Variants in ANO10 observed in about 807,000 individuals in gnomAD.
ANO10 encodes anoctamin 10.
In ANO10, 77 loss-of-function variants were observed where a neutral mutation model predicts 74.7. The ratio of observed to expected loss-of-function variants is 1.03; its 90% CI spans 0.86 to 1.25. The LOEUF (loss-of-function observed/expected upper bound fraction) is 1.25. Ranked by LOEUF, ANO10 falls within the 50% of genes most tolerant of loss-of-function variation. The probability of loss-of-function intolerance (pLI) is 0.00; values close to 1 mark genes in which losing one functional copy is unlikely to be tolerated. For synonymous variants in ANO10, 279 were observed against 284.9 expected, an observed-to-expected ratio of 0.98 and a Z score of 0.21; for missense variants, 721 against 778.1, an observed-to-expected ratio of 0.93 and a Z score of 0.87.
intron 12 of ANO10, among the ~76,000 whole-genome samples, chr3:43,431,090 T>G (rs886293234): frequency 1.2e-4 from 18 of 151,030 alleles, no homozygotes; most frequent in Non-Finnish European, 2.4e-4. Flanking sequence ...TTTTTTTTTT[T>G]GAGACAAGGT....
intron 11 of ANO10, among the ~76,000 whole-genome samples, chr3:43,514,189 G>A (rs2077620568): frequency 2.6e-5 from 4 of 151,870 alleles, no homozygotes. Flanking sequence ...AATTAAAAAG[G>A]TTGAGCTTGT....
At chr3:43,388,393 C>A (rs779711363) in intron 12 of ANO10, among the ~76,000 whole-genome samples, 6 of 152,094 alleles carry the variant, frequency 3.9e-5, no homozygotes, top group Admixed American at 3.9e-4. Context: ...CTATGAAGAG[C>A]GGCGCTCCCA....
chr3:43,687,421 C>G (rs1049759293), intron 1 of ANO10, among the ~76,000 whole-genome samples: 13 of 152,298 alleles, frequency 8.5e-5, no homozygotes, highest in Non-Finnish European at 1.8e-4. Flanking sequence ...TTGCTCAGCA[C>G]TTTGCCTGGG....
intron 8 of ANO10, among the ~76,000 whole-genome samples, chr3:43,562,142 G>A (rs553977824): frequency 5.4e-4 from 82 of 152,096 alleles, no homozygotes; most frequent in Non-Finnish European, 7.9e-4. Context: ...AGGCCAAGGC[G>A]GGCAGATCAC....
At chr3:43,651,396 G>T (rs1233377228) in intron 1 of ANO10, among the ~76,000 whole-genome samples, 1 of 152,182 alleles carries the variant, frequency 6.6e-6, no homozygotes, top group East Asian at 1.9e-4. Flanking sequence ...AACAGCTGCT[G>T]TGTTTAATTG....
intron 2 of ANO10, among the ~76,000 whole-genome samples, chr3:43,601,458 A>G (rs543124320): frequency 6.6e-6 from 1 of 152,324 alleles, no homozygotes; most frequent in Admixed American, 6.5e-5. Flanking sequence ...TGGCCTCCCA[A>G]GTGCTGGGAT....
At position 43,593,154 on chromosome 3, in the gene ANO10, G is replaced by A. The variant is rs138437680; in HGVS notation, c.472+5378C>T. Among the ~76,000 whole-genome samples, 53 of 152,294 alleles carry A rather than the reference G, an allele frequency of 3.5e-4. No homozygotes were observed. In the East Asian group the frequency reaches 7.3e-3, roughly 21 times the overall value. On this transcript the variant is annotated intron_variant, in intron 4 of 12. Coordinates refer to ENST00000292246, the MANE Select transcript of ANO10 (RefSeq NM_018075.5). ...TCTGATTGCTGTACCTGAAAGTGAC[G>A]GAGAGAATGGAAACAAGTTGGAAAC... is the stretch of plus-strand genomic sequence containing the variant.
chr3:43,688,140 A>G (rs2084298110), intron 1 of ANO10, among the ~76,000 whole-genome samples: 1 of 152,060 alleles, frequency 6.6e-6, no homozygotes, highest in Non-Finnish European at 1.5e-5. Context: ...TATTGGATCA[A>G]TGGTCTCTTT....
At chr3:43,397,784 C>T (rs548170346) in intron 12 of ANO10, among the ~76,000 whole-genome samples, 12 of 152,174 alleles carry the variant, frequency 7.9e-5, no homozygotes, top group Non-Finnish European at 1.8e-4. Flanking sequence ...CTGTGGCCTC[C>T]CCAGACTCTG....
intron 12 of ANO10, among the ~76,000 whole-genome samples, chr3:43,402,416 T>A (rs1488497485): frequency 6.6e-6 from 1 of 152,214 alleles, no homozygotes; most frequent in Non-Finnish European, 1.5e-5. Flanking sequence ...GTATTATGCC[T>A]AAATGATACA....
chr3:43,643,643 C>T (rs1431445232), intron 1 of ANO10, among the ~76,000 whole-genome samples: 4 of 149,936 alleles, frequency 2.7e-5, no homozygotes, highest in Admixed American at 2.0e-4. Flanking sequence ...TGGAGCTTAT[C>T]CATTGTTAAA....
chr3:43,616,121 T>C (rs938906560), intron 1 of ANO10, among the ~76,000 whole-genome samples: 1 of 152,192 alleles, frequency 6.6e-6, no homozygotes, highest in African/African-American at 2.4e-5. Flanking sequence ...TACATAAGCA[T>C]ATCATCTTCC....
intron 1 of ANO10, among the ~76,000 whole-genome samples, chr3:43,682,630 A>AAG (rs1293431362): frequency 6.6e-6 from 1 of 152,224 alleles, no homozygotes; most frequent in Admixed American, 6.5e-5. Flanking sequence ...ACAACAAAAA[A>AAG]AGAGAAATTT....
chr3:43,382,801 T>G (rs904869034), intron 12 of ANO10, among the ~76,000 whole-genome samples: 1 of 152,120 alleles, frequency 6.6e-6, no homozygotes, highest in Non-Finnish European at 1.5e-5. Context: ...CCTGGAAATA[T>G]ACAACCCTCC....
chr3:43,687,752 G>A (rs536294821), intron 1 of ANO10, among the ~76,000 whole-genome samples: 2 of 152,350 alleles, frequency 1.3e-5, no homozygotes, highest in East Asian at 3.9e-4. Flanking sequence ...TAAACTCTGA[G>A]AGGTCTGCTT....
At chr3:43,647,257 T>TG (rs1238221201) in intron 1 of ANO10, among the ~76,000 whole-genome samples, 1 of 151,788 alleles carries the variant, frequency 6.6e-6, no homozygotes, top group Non-Finnish European at 1.5e-5. Context: ...CACATGATTA[T>TG]GGAGGGTGAG....
intron 1 of ANO10, among the ~76,000 whole-genome samples, chr3:43,657,025 A>G (rs2083865233): frequency 6.6e-6 from 1 of 152,258 alleles, no homozygotes; most frequent in African/African-American, 2.4e-5. Flanking sequence ...TTTTCTTGTG[A>G]ACAAAAACTT....
chr3:43,565,156 T>A (rs1393859737), intron 8 of ANO10, among the ~76,000 whole-genome samples: 23 of 152,234 alleles, frequency 1.5e-4, no homozygotes, highest in Admixed American at 1.5e-3. Context: ...AATAATTTGT[T>A]CTTAATTTAT....
chr3:43,427,432 C>A (rs933737264), intron 12 of ANO10, among the ~76,000 whole-genome samples: 2 of 152,088 alleles, frequency 1.3e-5, no homozygotes, highest in Non-Finnish European at 2.9e-5. Flanking sequence ...AATGCACAAC[C>A]CTATTTAAGG....
Sources: allele counts gnomAD v4.1 joint callset (sites outside exome capture counted in the v4.1 genomes callset), GRCh38; gene constraint gnomAD v4.1.1; transcripts MANE v1.5; gene names NCBI Gene and HGNC (gene_info 2026-07-23, HGNC 2026-07-21).